The following SEMA6D variants were observed in gnomAD, a reference collection of about 807,000 sequenced individuals.
SEMA6D encodes the protein semaphorin 6D.
Under a neutral mutation model 106.6 loss-of-function variants are expected in SEMA6D, and 35 were observed. That is an observed-to-expected ratio of 0.33 (90% CI 0.25 to 0.44). The LOEUF (loss-of-function observed/expected upper bound fraction) is 0.44, where lower values mean the gene tolerates loss of function less well. SEMA6D is among the 20% of genes least tolerant of loss of function. The pLI, the probability that SEMA6D is intolerant of heterozygous loss-of-function variation, is 1.00. For missense variants in SEMA6D, 1,185 were observed against 1,345.9 expected (o/e 0.88, Z 1.87); for synonymous variants, 499 against 487.7 (o/e 1.02, Z -0.31).
chr15:47,764,600 G>T, intron 11 of SEMA6D, 38 bp from the exon 12 acceptor site: 1 of 1,608,792 alleles, frequency 6.2e-7, no homozygotes. Context: ...TGTGGCAGGG[G>T]CAGCCGAGAG....
intron 2 of SEMA6D, among the ~76,000 whole-genome samples, chr15:47,460,833 A>G (rs1567095307): frequency 6.6e-6 from 1 of 152,120 alleles, no homozygotes; most frequent in Non-Finnish European, 1.5e-5. Context: ...ACCAATAAGC[A>G]CTTTAACATA....
At chr15:47,185,710 G>A (rs1893521039) in intron 1 of SEMA6D, 1 of 152,104 alleles carries the variant, frequency 6.6e-6, no homozygotes, top group Non-Finnish European at 1.5e-5. Flanking sequence ...GAATCAGAGG[G>A]AGCCGGTTAT....
Position 47,773,109 on chromosome 15 carries a change from A to G in SEMA6D, c.*1324A>G, listed in dbSNP as rs2082702050. The G allele has an allele frequency of 6.6e-6, 1 of 152,520 alleles. No homozygotes were observed. The highest frequency in any genetic ancestry group is 1.9e-4 in the East Asian group (1 of 5,180). The allele number at this position is 152,520 out of a possible 1,614,324, so 9.4% of individuals were successfully genotyped here. Reference sequence around the variant, plus strand: ...TTCATGAGAATGATAGAAGTACTAAAATCTGTCAAGTGTTTTCAGTATAGC... The same window carrying G: ...TTCATGAGAATGATAGAAGTACTAAGATCTGTCAAGTGTTTTCAGTATAGC... On this transcript the variant is annotated 3_prime_UTR_variant, in exon 19 of 19. Coordinates refer to ENST00000536845, the MANE Select transcript of SEMA6D (RefSeq NM_001358351.3).
intron 1 of SEMA6D, among the ~76,000 whole-genome samples, chr15:47,263,261 A>G (rs183131348): frequency 2.4e-4 from 37 of 152,308 alleles, no homozygotes; most frequent in African/African-American, 7.5e-4. Context: ...TAAGCGGACA[A>G]CCTACAGAAT....
intron 1 of SEMA6D, among the ~76,000 whole-genome samples, chr15:47,265,953 C>T (rs921472509): frequency 2.0e-5 from 3 of 152,082 alleles, no homozygotes; most frequent in Non-Finnish European, 2.9e-5. Flanking sequence ...TTCTTAAACA[C>T]GCTTAGTCTT....
At chr15:47,297,248 A>C (rs192210657) in intron 1 of SEMA6D, among the ~76,000 whole-genome samples, 5 of 152,302 alleles carry the variant, frequency 3.3e-5, no homozygotes, top group Non-Finnish European at 5.9e-5. Context: ...AAACATTTTT[A>C]TGATTTCTCA....
chr15:47,294,424 A>G (rs958553647), intron 1 of SEMA6D, among the ~76,000 whole-genome samples: 1 of 152,042 alleles, frequency 6.6e-6, no homozygotes, highest in Non-Finnish European at 1.5e-5. Context: ...GGATTTCAAC[A>G]TGTTGGCCAG....
At chr15:47,653,763 G>T (rs1218888825) in intron 4 of SEMA6D, among the ~76,000 whole-genome samples, 4 of 152,120 alleles carry the variant, frequency 2.6e-5, no homozygotes, top group Admixed American at 1.3e-4. Flanking sequence ...CTTGTATGCC[G>T]CATAGTAAAC....
At chr15:47,683,018 A>G (rs1391217982) in intron 4 of SEMA6D, among the ~76,000 whole-genome samples, 1 of 152,234 alleles carries the variant, frequency 6.6e-6, no homozygotes, top group African/African-American at 2.4e-5. Context: ...TTGAGACTCT[A>G]AAGAGCAGAC....
upstream of SEMA6D, among the ~76,000 whole-genome samples, chr15:47,715,039 A>T (rs1226202548): frequency 6.6e-6 from 1 of 152,230 alleles, no homozygotes; most frequent in African/African-American, 2.4e-5. Flanking sequence ...ACAGAAGAAA[A>T]GCACTTATGC....
intron 4 of SEMA6D, among the ~76,000 whole-genome samples, chr15:47,636,653 G>A (rs745743729): frequency 7.2e-5 from 11 of 151,974 alleles, no homozygotes; most frequent in Non-Finnish European, 1.2e-4. Flanking sequence ...ACATCACAGC[G>A]AAGGCAAGAT....
At chr15:47,418,356 A>C (rs1207159746) in intron 2 of SEMA6D, among the ~76,000 whole-genome samples, 2 of 152,124 alleles carry the variant, frequency 1.3e-5, no homozygotes, top group African/African-American at 2.4e-5. Context: ...TCATGCTGCT[A>C]TACTGGGTGG....
chr15:47,564,704 A>G, intron 3 of SEMA6D, among the ~76,000 whole-genome samples: 1 of 152,146 alleles, frequency 6.6e-6, no homozygotes, highest in East Asian at 1.9e-4. Flanking sequence ...CTTAAGCTGA[A>G]AAGCCTGAGA....
intron 1 of SEMA6D, among the ~76,000 whole-genome samples, chr15:47,282,506 A>G (rs1425870505): frequency 6.6e-6 from 1 of 152,186 alleles, no homozygotes; most frequent in African/African-American, 2.4e-5. Flanking sequence ...TATCGTGAGT[A>G]CTGTTGCTAC....
intron 1 of SEMA6D, among the ~76,000 whole-genome samples, chr15:47,381,305 T>G (rs1254292802): frequency 6.6e-6 from 1 of 152,242 alleles, no homozygotes; most frequent in Non-Finnish European, 1.5e-5. Context: ...TGGCTTTGGC[T>G]CATTACTGGA....
chr15:47,556,994 C>T (rs2045934180), intron 3 of SEMA6D, among the ~76,000 whole-genome samples: 1 of 152,088 alleles, frequency 6.6e-6, no homozygotes, highest in Admixed American at 6.6e-5. Flanking sequence ...CATAACAATG[C>T]CTACCTTAAA....
At chr15:47,723,675 T>G (rs2079556005) in intron 1 of SEMA6D, among the ~76,000 whole-genome samples, 1 of 151,746 alleles carries the variant, frequency 6.6e-6, no homozygotes, top group Non-Finnish European at 1.5e-5. Flanking sequence ...CATCAGCATT[T>G]AATTCTCTCT....
At chr15:47,249,661 C>A (rs904614963) in intron 1 of SEMA6D, among the ~76,000 whole-genome samples, 1 of 152,004 alleles carries the variant, frequency 6.6e-6, no homozygotes, top group Non-Finnish European at 1.5e-5. Context: ...GTGAAGGAAC[C>A]AGAGAAAGGA....
chr15:47,563,905 C>T (rs2046152607), intron 3 of SEMA6D, among the ~76,000 whole-genome samples: 1 of 152,194 alleles, frequency 6.6e-6, no homozygotes, highest in Admixed American at 6.5e-5. Context: ...AGTAACTGCC[C>T]TCACATCTTC....
Sources: allele counts gnomAD v4.1 joint callset (sites outside exome capture counted in the v4.1 genomes callset), GRCh38; gene constraint gnomAD v4.1.1; transcripts MANE v1.5; gene names NCBI Gene and HGNC (gene_info 2026-07-23, HGNC 2026-07-21).